Variants in MON1A observed in about 807,000 individuals in gnomAD.
MON1A encodes the protein MON1 vesicular trafficking associated A.
Under a neutral mutation model 44.6 loss-of-function variants are expected in MON1A, and 29 were observed. The ratio of observed to expected loss-of-function variants is 0.65; its 90% CI spans 0.48 to 0.89. MON1A has a LOEUF of 0.89. Among genes scored for constraint, MON1A ranks in the 40% least tolerant of loss-of-function variants. The probability of loss-of-function intolerance (pLI) is 0.00; values close to 1 mark genes in which losing one functional copy is unlikely to be tolerated. For synonymous variants in MON1A, 275 were observed against 316.4 expected (o/e 0.87, Z 1.39); for missense variants, 615 against 759.6 (o/e 0.81, Z 2.24).
At chr3:49,913,727 A>C (rs2108532775) in intron 1 of MON1A, among the ~76,000 whole-genome samples, 1 of 149,454 alleles carries the variant, frequency 6.7e-6, no homozygotes, top group East Asian at 1.9e-4. Flanking sequence ...CAGTGGCATA[A>C]TTTCGGCTCA....
Position 49,910,983 on chromosome 3 carries a change from G to T in MON1A, c.614-99C>A. 1.7e-6 allele frequency: 2 copies of T among 1,181,860 alleles called. No homozygotes were observed. Among genetic ancestry groups the T allele is most frequent in the Non-Finnish European group, 1.2e-6 (1 of 848,806 alleles). The allele number at this position is 1,181,860 out of a possible 1,614,324, so 73.2% of individuals were successfully genotyped here. A position where few individuals can be genotyped will look rare whatever the true frequency, so the allele number is the denominator to read the frequency against. ...TCTTCGCTTTCCCCATCCTTTCCTC[G>T]CTCAGAGCTCTGCGCACAGTAGGGG... On this transcript the variant is annotated intron_variant, in intron 3 of 5. Transcript: ENST00000296473. This position sits in a 1 kb window ranked among gnomAD's most constrained non-coding sequence, Gnocchi z 8.0.
In MON1A at chr3:49,910,835, C is replaced by T; in HGVS notation, c.663G>A (p.Ala221=). ...FVRRSPLVLV[A]VARTRQSAQE... Reference sequence around the variant, plus strand: ...GTGCCGACTGCCGCGTACGAGCCACCGCCACTAGCACCAGCGGGCTCCGGC... The same window carrying T: ...GTGCCGACTGCCGCGTACGAGCCACTGCCACTAGCACCAGCGGGCTCCGGC... The change falls in exon 4 of 6, where the codon GCG becomes GCA. Residue 221 remains alanine (A), a synonymous_variant. Coordinates refer to ENST00000296473, the MANE Select transcript of MON1A (RefSeq NM_032355.4). This position sits in a 1 kb window ranked among gnomAD's most constrained non-coding sequence, Gnocchi z 8.0. The T allele has an allele frequency of 3.1e-6, 5 of 1,613,398 alleles. No individual in the cohort carries two copies. Among genetic ancestry groups the T allele is most frequent in the Non-Finnish European group, 4.2e-6 (5 of 1,179,602 alleles).
At chr3:49,926,264 C>A (rs750946585) in intron 1 of MON1A, among the ~76,000 whole-genome samples, 6 of 152,176 alleles carry the variant, frequency 3.9e-5, no homozygotes, top group Non-Finnish European at 8.8e-5. Context: ...CCCCTGCACC[C>A]CACTTCACCT....
At chr3:49,916,293 G>C (rs1233729823) in intron 1 of MON1A, 2 of 152,248 alleles carry the variant, frequency 1.3e-5, no homozygotes, top group African/African-American at 4.8e-5. Flanking sequence ...TGTGGCATCA[G>C]CCAGTCTGTG....
At position 49,909,815 on chromosome 3, in the gene MON1A, C is replaced by T. The variant is rs753953662; in HGVS notation, c.1379+304G>A. 6 of 369,886 alleles carry T rather than the reference C, an allele frequency of 1.6e-5. No individual in the cohort carries two copies. The highest frequency in any genetic ancestry group is 4.1e-5 in the African/African-American group (2 of 49,290). The allele number at this position is 369,886 out of a possible 1,614,324, so 22.9% of individuals were successfully genotyped here. A position where few individuals can be genotyped will look rare whatever the true frequency, so the allele number is the denominator to read the frequency against. On this transcript the variant is annotated intron_variant, in intron 4 of 5. Coordinates refer to ENST00000296473, the MANE Select transcript of MON1A (RefSeq NM_032355.4). This position sits in a 1 kb window ranked among gnomAD's most constrained non-coding sequence, Gnocchi z 4.0. ...GAGGGCTGTGCTTCCTGAGCTGGAC[C>T]AAAATGACCCCTAAAGTAGAGTTGC...
rs1448546959 is a variant in MON1A at position 49,909,237 on chromosome 3, C to T, written c.1527+16G>A. On this transcript the variant is annotated intron_variant, in intron 5 of 5. Coordinates refer to ENST00000296473, the MANE Select transcript of MON1A (RefSeq NM_032355.4). The surrounding 1 kb of genome is among the most constrained non-coding windows in gnomAD (Gnocchi z 4.0). ...AGGACCTCCATAAAGCCCAGCCCAT[C>T]CCAGGGCTGCCTTACCCAGGCCAGG... The T allele has an allele frequency of 1.9e-6, 3 of 1,613,764 alleles. No individual in the cohort carries two copies. Among genetic ancestry groups the T allele is most frequent in the African/African-American group, 1.3e-5 (1 of 74,902 alleles).
intron 1 of MON1A, among the ~76,000 whole-genome samples, chr3:49,922,399 G>A (rs1164190318): frequency 6.6e-6 from 1 of 151,892 alleles, no homozygotes; most frequent in Non-Finnish European, 1.5e-5. Flanking sequence ...TCGCACCACC[G>A]CACTCCAGCT....
Position 49,908,908 on chromosome 3 carries a change from A to G in MON1A, c.*106T>C. The G allele has an allele frequency of 7.4e-7, 1 of 1,354,058 alleles. No homozygotes were observed. The highest frequency in any genetic ancestry group is 2.5e-5 in the Admixed American group (1 of 40,254). The allele number at this position is 1,354,058 out of a possible 1,614,324, so 83.9% of individuals were successfully genotyped here. ...CACTTTAATGCATTCACCAACCCAC[A>G]GTCCCTGCCCGCTGGCTGGGCAAGA... On this transcript the variant is annotated 3_prime_UTR_variant, in exon 6 of 6. Coordinates refer to ENST00000296473, the MANE Select transcript of MON1A (RefSeq NM_032355.4).
Position 49,913,385 on chromosome 3 carries a change from G to C in MON1A, c.-13-26C>G, listed in dbSNP as rs558060855. The C allele has an allele frequency of 5.1e-5, 81 of 1,592,788 alleles. 1 individual carries two copies. In the South Asian group the frequency reaches 8.6e-4, roughly 17 times the overall value. On this transcript the variant is annotated intron_variant, in intron 1 of 5. Coordinates refer to ENST00000296473, the MANE Select transcript of MON1A (RefSeq NM_032355.4). ...CTGTGGGGCAAACAAATGCAACATC[G>C]ATGGCTTTTGGCAGGGTCACAGGCA...
rs563965430 is a variant in MON1A at position 49,928,344 on chromosome 3, C to A, written c.-14+1265G>T. Reference sequence around the variant, plus strand: ...ACCCCAACCCCCATTGGAGCCACAACTGTGCAACTGAAGCTCCTGGGAGGC... The same window carrying A: ...ACCCCAACCCCCATTGGAGCCACAAATGTGCAACTGAAGCTCCTGGGAGGC... On this transcript the variant is annotated intron_variant, in intron 1 of 5. Coordinates refer to ENST00000296473, the MANE Select transcript of MON1A (RefSeq NM_032355.4). 5.9e-5 allele frequency among the ~76,000 whole-genome samples: 9 copies of A among 152,346 alleles called. No individual in the cohort carries two copies. In the East Asian group the frequency reaches 1.7e-3, roughly 29 times the overall value.
At chr3:49,927,323 A>G (rs980373307) in intron 1 of MON1A, among the ~76,000 whole-genome samples, 1 of 152,296 alleles carries the variant, frequency 6.6e-6, no homozygotes, top group South Asian at 2.1e-4. Context: ...AGTAGTATTG[A>G]TTCCTTGGGT....
chr3:49,909,794 G>C lies in MON1A; in HGVS notation c.1379+325C>G. On this transcript the variant is annotated intron_variant, in intron 4 of 5. Coordinates refer to ENST00000296473, the MANE Select transcript of MON1A (RefSeq NM_032355.4). This position sits in a 1 kb window ranked among gnomAD's most constrained non-coding sequence, Gnocchi z 4.0. ...CTGCTGGGGGAGGGGGTGGAGGAGG[G>C]CTGTGCTTCCTGAGCTGGACCAAAA... The C allele has an allele frequency of 2.8e-6, 1 of 352,072 alleles. No homozygotes were observed. Among genetic ancestry groups the C allele is most frequent in the Non-Finnish European group, 5.2e-6 (1 of 193,824 alleles). The allele number at this position is 352,072 out of a possible 1,614,324, so 21.8% of individuals were successfully genotyped here.
At position 49,910,085 on chromosome 3, in the gene MON1A, C is replaced by A. The variant is rs780948191; in HGVS notation, c.1379+34G>T. 14 of 1,539,496 alleles carry A rather than the reference C, an allele frequency of 9.1e-6. No homozygotes were observed. Among genetic ancestry groups the A allele is most frequent in the Non-Finnish European group, 1.2e-5 (14 of 1,142,872 alleles). On this transcript the variant is annotated intron_variant, in intron 4 of 5. Coordinates refer to ENST00000296473, the MANE Select transcript of MON1A (RefSeq NM_032355.4). The surrounding 1 kb of genome is among the most constrained non-coding windows in gnomAD (Gnocchi z 8.0). ...CCTCCCGACTCCACATGTCCCTGTC[C>A]CGCTACAGCAGTGCCCTCAAGGCCC...
At chr3:49,913,431 T>C (rs1175156965) in intron 1 of MON1A, 72 bp from the exon 2 acceptor site, 2 of 1,471,888 alleles carry the variant, frequency 1.4e-6, no homozygotes, top group Non-Finnish European at 9.2e-7. Context: ...TGGTAGTAAG[T>C]ACAGGAAAGT....
At chr3:49,926,059 G>A (rs1330743044) in intron 1 of MON1A, among the ~76,000 whole-genome samples, 1 of 152,138 alleles carries the variant, frequency 6.6e-6, no homozygotes, top group East Asian at 1.9e-4. Context: ...ACCTTACTCA[G>A]TGAGAAAGCC....
In MON1A at chr3:49,910,686, G is replaced by A. The variant is rs1183163331; in HGVS notation, c.812C>T (p.Ser271Leu). ...CAGCAGGTTGTCGGTGATGCGCTCT[G>A]AGCCCGAGAGTAGGCGCCGCAAATC... ...NYDLRRLLSG[S>L]ERITDNLLQL... The change falls in exon 4 of 6, where the codon TCA (serine) becomes TTA (leucine). Residue 271 changes from serine (S) to leucine (L), a missense_variant. Transcript: ENST00000296473. This position sits in a 1 kb window ranked among gnomAD's most constrained non-coding sequence, Gnocchi z 8.0. The A allele has an allele frequency of 6.2e-7, 1 of 1,611,876 alleles. No homozygotes were observed. Among genetic ancestry groups the A allele is most frequent in the Non-Finnish European group, 8.5e-7 (1 of 1,178,924 alleles).
At chr3:49,928,595 C>T (rs1410381524) in intron 1 of MON1A, among the ~76,000 whole-genome samples, 1 of 152,072 alleles carries the variant, frequency 6.6e-6, no homozygotes, top group Admixed American at 6.6e-5. Flanking sequence ...CCTTCAGAAG[C>T]CCCTCCCTAC....
chr3:49,911,900 G>A lies in MON1A; in HGVS notation c.239C>T (p.Pro80Leu), dbSNP rs781136565. The A allele has an allele frequency of 6.2e-7, 1 of 1,613,952 alleles. No homozygotes were observed. The highest frequency in any genetic ancestry group is 8.5e-7 in the Non-Finnish European group (1 of 1,180,000). The change falls in exon 3 of 6, where the codon CCC becomes CTC. Residue 80 changes from proline to leucine, a missense_variant. Pro to Leu is a moderately conservative substitution (Grantham distance 98, BLOSUM62 -3). Transcript: ENST00000296473. This position sits in a 1 kb window ranked among gnomAD's most constrained non-coding sequence, Gnocchi z 5.7. Reference protein sequence around the residue: ...GDSHKEGTRGPPPLPTDMRQI... With the variant: ...GDSHKEGTRGLPPLPTDMRQI... Reference sequence around the variant, plus strand: ...GCGCATGTCTGTAGGCAGCGGCGGGGGACCCCTGGTACCCTCCTTGTGGCT... The same window carrying A: ...GCGCATGTCTGTAGGCAGCGGCGGGAGACCCCTGGTACCCTCCTTGTGGCT...
rs1249231721 is a variant in MON1A at position 49,910,643 on chromosome 3, G to A, written c.855C>T (p.Asp285=). The change falls in exon 4 of 6, where the codon GAC becomes GAT. Residue 285 remains aspartate (D), a synonymous_variant. Coordinates refer to ENST00000296473, the MANE Select transcript of MON1A (RefSeq NM_032355.4). The surrounding 1 kb of genome is among the most constrained non-coding windows in gnomAD (Gnocchi z 8.0). Reference sequence around the variant, plus strand: ...GTGCCGCCCCCATCAGGAAGCTGGGGTCTCGTGCCATGAGCTGCAGCAGGT... The same window carrying A: ...GTGCCGCCCCCATCAGGAAGCTGGGATCTCGTGCCATGAGCTGCAGCAGGT... ...TDNLLQLMAR[D]PSFLMGAARC... is the part of the protein sequence containing the mutation. 4.4e-6 allele frequency: 7 copies of A among 1,604,422 alleles called. No homozygotes were observed. The highest frequency in any genetic ancestry group is 6.0e-6 in the Non-Finnish European group (7 of 1,174,254).
Sources: allele counts gnomAD v4.1 joint callset (sites outside exome capture counted in the v4.1 genomes callset), GRCh38; gene constraint gnomAD v4.1.1; non-coding constraint Gnocchi (gnomAD v3.1); transcripts MANE v1.5; gene names NCBI Gene and HGNC (gene_info 2026-07-23, HGNC 2026-07-21).